The following ESRRG variants were observed in gnomAD, a reference collection of about 807,000 sequenced individuals.
The protein encoded by ESRRG is estrogen-related receptor gamma.
ESRRG carries 13 observed loss-of-function variants against 44.0 expected under a neutral mutation model. The ratio of observed to expected loss-of-function variants is 0.30; its 90% CI spans 0.19 to 0.47. ESRRG has a LOEUF of 0.47. Ranked by LOEUF, ESRRG falls within the 20% of genes least tolerant of loss-of-function variation. ESRRG has a pLI of 1.00. For missense variants in ESRRG, 395 were observed against 580.6 expected (o/e 0.68, Z 3.29); for synonymous variants, 215 against 214.6 (o/e 1.00, Z -0.02).
At chr1:216,976,684 A>G (rs1261168870) in intron 1 of ESRRG, among the ~76,000 whole-genome samples, 1 of 152,178 alleles carries the variant, frequency 6.6e-6, no homozygotes, top group Non-Finnish European at 1.5e-5. Context: ...TTTTATTTGT[A>G]GGAACCTAAC....
intron 1 of ESRRG, among the ~76,000 whole-genome samples, chr1:217,006,775 G>T (rs2077801823): frequency 3.3e-5 from 5 of 152,000 alleles, no homozygotes; most frequent in Admixed American, 3.3e-4. Flanking sequence ...ATTACATGAG[G>T]TCAGGTGTAA....
At chr1:217,055,623 A>T (rs1177789644) in intron 1 of ESRRG, among the ~76,000 whole-genome samples, 3 of 152,110 alleles carry the variant, frequency 2.0e-5, no homozygotes, top group African/African-American at 7.2e-5. Flanking sequence ...TGTTCCTCAT[A>T]GACAAAGAAT....
chr1:216,529,890 T>A (rs2048772249), intron 5 of ESRRG, among the ~76,000 whole-genome samples: 1 of 151,856 alleles, frequency 6.6e-6, no homozygotes, highest in African/African-American at 2.4e-5. Context: ...GGTGAGTGGA[T>A]CACTTGAGGT....
At chr1:216,638,956 C>A (rs368900641) in intron 3 of ESRRG, among the ~76,000 whole-genome samples, 41 of 152,170 alleles carry the variant, frequency 2.7e-4, no homozygotes, top group African/African-American at 9.4e-4. Flanking sequence ...CATGAATCCA[C>A]GTTCCTTCCA....
intron 1 of ESRRG, among the ~76,000 whole-genome samples, chr1:217,044,704 C>A (rs1464115271): frequency 6.6e-6 from 1 of 152,148 alleles, no homozygotes; most frequent in Non-Finnish European, 1.5e-5. Context: ...AAGAAAAAAA[C>A]CAGCTCTGCA....
intron 1 of ESRRG, among the ~76,000 whole-genome samples, chr1:216,985,348 T>C (rs774358655): frequency 2.0e-5 from 3 of 152,152 alleles, no homozygotes; most frequent in Non-Finnish European, 2.9e-5. Flanking sequence ...GGTGAGCCAT[T>C]ACAACTCGGA....
At chr1:216,982,009 G>A (rs936588281) in intron 1 of ESRRG, among the ~76,000 whole-genome samples, 13 of 152,116 alleles carry the variant, frequency 8.5e-5, no homozygotes, top group Admixed American at 2.0e-4. Context: ...TGAGCGCTTC[G>A]CTGCTTCGTG....
chr1:216,778,192 G>A (rs758141146), intron 2 of ESRRG, among the ~76,000 whole-genome samples: 16 of 152,014 alleles, frequency 1.1e-4, no homozygotes, highest in Non-Finnish European at 2.4e-4. Context: ...CCTAAGAACT[G>A]AGTGGGGAGG....
chr1:216,733,807 A>C (rs1323062228), intron 2 of ESRRG, among the ~76,000 whole-genome samples: 1 of 151,952 alleles, frequency 6.6e-6, no homozygotes, highest in Non-Finnish European at 1.5e-5. Flanking sequence ...CTTGACAAAC[A>C]TAGCAAAACC....
intron 2 of ESRRG, among the ~76,000 whole-genome samples, chr1:216,866,565 CTT>C (rs111604276): frequency 2.0e-4 from 29 of 145,384 alleles, no homozygotes; most frequent in Admixed American, 6.2e-4. Flanking sequence ...TTCTTTCTTT[CTT>C]TTTTTTTTTA....
intron 1 of ESRRG, among the ~76,000 whole-genome samples, chr1:217,026,321 C>T (rs2081172712): frequency 6.6e-6 from 1 of 152,206 alleles, no homozygotes; most frequent in South Asian, 2.1e-4. Context: ...CCAAGAAATG[C>T]TTCATTTCAA....
chr1:216,713,960 C>A (rs2084225778), intron 1 of ESRRG, among the ~76,000 whole-genome samples: 1 of 152,160 alleles, frequency 6.6e-6, no homozygotes, highest in Admixed American at 6.6e-5. Flanking sequence ...ACAGTTTGTA[C>A]TGCTCCTCTC....
intron 2 of ESRRG, 24 bp downstream of exon 2, chr1:216,677,052 A>G: frequency 6.3e-7 from 1 of 1,587,300 alleles, no homozygotes; most frequent in Non-Finnish European, 8.6e-7. Context: ...AAGTGGGGAG[A>G]GTATTCCCAG....
chr1:216,962,706 G>C (rs569123696), intron 1 of ESRRG, among the ~76,000 whole-genome samples: 2 of 152,116 alleles, frequency 1.3e-5, no homozygotes, highest in East Asian at 3.9e-4. Context: ...CACTGTATAG[G>C]AACCATTGAA....
chr1:217,007,622 TCTC>T (rs1231220240), intron 1 of ESRRG, among the ~76,000 whole-genome samples: 1 of 152,170 alleles, frequency 6.6e-6, no homozygotes, highest in Non-Finnish European at 1.5e-5. Flanking sequence ...ATAAAATTCT[TCTC>T]CTTCCTTTCT....
intron 1 of ESRRG, among the ~76,000 whole-genome samples, chr1:217,052,072 A>G (rs2086158037): frequency 2.0e-5 from 3 of 152,178 alleles, no homozygotes; most frequent in Admixed American, 2.0e-4. Context: ...CACTCAGCCT[A>G]TTTCCCATTT....
intron 1 of ESRRG, among the ~76,000 whole-genome samples, chr1:217,112,988 T>C (rs894716598): frequency 7.9e-5 from 12 of 152,364 alleles, no homozygotes; most frequent in Non-Finnish European, 1.5e-4. Context: ...GGTGAGGCTT[T>C]TTATTAATAG....
intron 2 of ESRRG, among the ~76,000 whole-genome samples, chr1:216,675,566 G>A (rs2075962210): frequency 6.6e-6 from 1 of 152,194 alleles, no homozygotes; most frequent in Admixed American, 6.5e-5. Context: ...GCCATTAGAT[G>A]ATGATGGTCT....
intron 2 of ESRRG, among the ~76,000 whole-genome samples, chr1:216,931,238 G>C (rs1043743902): frequency 6.6e-6 from 1 of 152,008 alleles, no homozygotes; most frequent in African/African-American, 2.4e-5. Flanking sequence ...TAATCATTTT[G>C]GGGGAAGGTA....
Sources: gnomAD v4.1 joint callset for allele counts (sites outside exome capture counted in the v4.1 genomes callset) on GRCh38, gnomAD v4.1.1 for gene constraint, MANE v1.5 for transcripts, NCBI Gene and HGNC (gene_info 2026-07-23, HGNC 2026-07-21) for gene names.